HPSE2: variants seen among roughly 807,000 people sequenced by gnomAD.
The protein encoded by HPSE2 is inactive heparanase-2.
In HPSE2, 38 loss-of-function variants were observed where a neutral mutation model predicts 60.5. The observed-to-expected ratio is 0.63, with a 90% CI of 0.48 to 0.82. The LOEUF (loss-of-function observed/expected upper bound fraction) is 0.82. HPSE2 is among the 40% of genes least tolerant of loss of function. The pLI, the probability that HPSE2 is intolerant of heterozygous loss-of-function variation, is 0.00. For missense variants in HPSE2, 713 were observed against 740.4 expected, an observed-to-expected ratio of 0.96 and a Z score of 0.43; for synonymous variants, 295 against 293.2, an observed-to-expected ratio of 1.01 and a Z score of -0.06.
chr10:99,268,763 T>C, the HPSE2 span, among the ~76,000 whole-genome samples: 14 of 151,798 alleles, frequency 9.2e-5, 1 homozygote, highest in East Asian at 2.7e-3. Flanking sequence ...AGGCAACAAA[T>C]AGCATGATGA....
intron 3 of HPSE2, among the ~76,000 whole-genome samples, chr10:99,089,079 G>T (rs1843425433): frequency 6.6e-6 from 1 of 152,058 alleles, no homozygotes; most frequent in Non-Finnish European, 1.5e-5. Flanking sequence ...CTGGATATTA[G>T]TCCTCTGTTG....
intron 3 of HPSE2, among the ~76,000 whole-genome samples, chr10:98,862,285 C>T (rs1031415167): frequency 3.3e-5 from 5 of 152,152 alleles, no homozygotes; most frequent in Admixed American, 3.3e-4. Flanking sequence ...TATCCATGAT[C>T]TTCAAATTGG....
intron 3 of HPSE2, among the ~76,000 whole-genome samples, chr10:99,127,372 G>C (rs74985830): frequency 1.3e-5 from 2 of 152,088 alleles, no homozygotes. Flanking sequence ...TTCAACAATC[G>C]ACTAGAACAA....
intron 9 of HPSE2, among the ~76,000 whole-genome samples, chr10:98,546,947 C>A (rs1237931885): frequency 2.0e-5 from 3 of 149,040 alleles, no homozygotes; most frequent in Admixed American, 1.3e-4. Flanking sequence ...TGAACTCAAA[C>A]AAATTTACAA....
chr10:98,617,820 A>T (rs1945956369), intron 8 of HPSE2, among the ~76,000 whole-genome samples: 1 of 152,170 alleles, frequency 6.6e-6, no homozygotes, highest in African/African-American at 2.4e-5. Context: ...GCATACCAAG[A>T]GTATTTGTGG....
chr10:99,310,736 C>T, the HPSE2 span, among the ~76,000 whole-genome samples: 1 of 152,136 alleles, frequency 6.6e-6, no homozygotes. Flanking sequence ...AAGCAATTCT[C>T]CCACCTCAGC....
chr10:98,949,399 A>G lies in HPSE2; in HGVS notation c.610+194839T>C, dbSNP rs571919508. Among the ~76,000 whole-genome samples the G allele has an allele frequency of 2.6e-5, 4 of 151,770 alleles. No homozygotes were observed. The East Asian group carries it at 5.8e-4, about 22-fold the overall frequency. ...GGCATTTCTCACACCAGAGCTGGGG[A>G]AAAAATTCAGTCTTTCTCTGGTGGC... On this transcript the variant is annotated intron_variant, in intron 3 of 11. Transcript: ENST00000370552.
At chr10:98,812,174 A>G (rs1439475962) in intron 3 of HPSE2, among the ~76,000 whole-genome samples, 1 of 152,148 alleles carries the variant, frequency 6.6e-6, no homozygotes, top group East Asian at 1.9e-4. Context: ...ACAGGTTTCA[A>G]CCACAGAACA....
At chr10:98,484,324 G>A (rs1390694574) in intron 10 of HPSE2, among the ~76,000 whole-genome samples, 1 of 151,826 alleles carries the variant, frequency 6.6e-6, no homozygotes, top group Non-Finnish European at 1.5e-5. Flanking sequence ...TGCAACCTCC[G>A]CCTCCTGCGT....
At chr10:98,491,032 A>G (rs916939276) in intron 9 of HPSE2, among the ~76,000 whole-genome samples, 1 of 152,218 alleles carries the variant, frequency 6.6e-6, no homozygotes, top group African/African-American at 2.4e-5. Context: ...TAATGACTTC[A>G]GTGTTTATAA....
At chr10:98,608,875 C>G (rs1945669299) in intron 9 of HPSE2, among the ~76,000 whole-genome samples, 1 of 152,050 alleles carries the variant, frequency 6.6e-6, no homozygotes, top group African/African-American at 2.4e-5. Flanking sequence ...GCTGGTTTGG[C>G]TGGGTTTTGT....
chr10:99,168,294 G>T (rs148605087), intron 2 of HPSE2, among the ~76,000 whole-genome samples: 1,638 of 152,182 alleles, frequency 0.011, 24 homozygotes, highest in African/African-American at 0.035. Context: ...ACATTTGTCA[G>T]ATTATTCATA....
chr10:98,700,580 A>C (rs1948378704), intron 5 of HPSE2, among the ~76,000 whole-genome samples: 1 of 130,726 alleles, frequency 7.6e-6, no homozygotes, highest in South Asian at 3.6e-4. Flanking sequence ...GGACATAGGC[A>C]TGGGCAAGGA....
intron 9 of HPSE2, among the ~76,000 whole-genome samples, chr10:98,603,374 A>G (rs1267352344): frequency 6.6e-6 from 1 of 151,668 alleles, no homozygotes. Flanking sequence ...AAAATTCTTC[A>G]TGCTTTCAGT....
At chr10:99,261,421 G>A in the HPSE2 span, among the ~76,000 whole-genome samples, 1 of 152,254 alleles carries the variant, frequency 6.6e-6, no homozygotes, top group East Asian at 1.9e-4. Context: ...TTAAAGAGGT[G>A]GCTGGAACTA....
At chr10:98,860,071 G>A (rs1042801282) in intron 3 of HPSE2, among the ~76,000 whole-genome samples, 3 of 152,102 alleles carry the variant, frequency 2.0e-5, no homozygotes, top group Non-Finnish European at 4.4e-5. Context: ...TTAGGGTTTG[G>A]TACTATCCAC....
At chr10:98,761,313 AG>A (rs1412801697) in intron 3 of HPSE2, among the ~76,000 whole-genome samples, 1 of 152,130 alleles carries the variant, frequency 6.6e-6, no homozygotes, top group African/African-American at 2.4e-5. Context: ...CTTTTTGAAA[AG>A]ATAACATCAA....
intron 3 of HPSE2, among the ~76,000 whole-genome samples, chr10:98,840,636 A>G (rs1951889068): frequency 6.6e-6 from 1 of 152,234 alleles, no homozygotes; most frequent in South Asian, 2.1e-4. Flanking sequence ...TTCAGAGATG[A>G]TTCCAAATTC....
At chr10:98,829,235 A>G (rs1235649099) in intron 3 of HPSE2, among the ~76,000 whole-genome samples, 1 of 152,118 alleles carries the variant, frequency 6.6e-6, no homozygotes, top group African/African-American at 2.4e-5. Context: ...GTTTTACAAG[A>G]TGAAGAAAGT....
Sources: allele counts gnomAD v4.1 joint callset (sites outside exome capture counted in the v4.1 genomes callset), GRCh38; gene constraint gnomAD v4.1.1; transcripts MANE v1.5; gene names NCBI Gene and HGNC (gene_info 2026-07-23, HGNC 2026-07-21).